Variants in ATL2 observed in about 807,000 individuals in gnomAD.
The protein encoded by ATL2 is atlastin-2.
A neutral mutation model predicts 73.9 loss-of-function variants in ATL2; 31 were observed. The observed-to-expected ratio is 0.42, with a 90% CI of 0.32 to 0.57. The LOEUF is 0.57. ATL2 is among the 20% of genes least tolerant of loss of function. ATL2 has a pLI of 0.14. For synonymous variants in ATL2, 291 were observed against 237.5 expected (o/e 1.23, Z -2.07); for missense variants, 738 against 702.6 (o/e 1.05, Z -0.57).
At chr2:38,296,489 T>A in intron 12 of ATL2, 1 of 1,611,466 alleles carries the variant, frequency 6.2e-7, no homozygotes, top group South Asian at 1.1e-5. Flanking sequence ...CTGTCTAATT[T>A]TTCTTCTTGT....
Position 38,318,637 on chromosome 2 carries a change from A to C in ATL2, c.501T>G (p.Val167=). ...FVIDRPNGTK[V]AVLLMDTQGA... is the part of the protein sequence containing the mutation. Reference sequence around the variant, plus strand: ...CCTGGGTATCCATAAGCAGCACAGCAACCTAGGAATTTGAGAGTTTAAAAT... The same window carrying C: ...CCTGGGTATCCATAAGCAGCACAGCCACCTAGGAATTTGAGAGTTTAAAAT... Residue 167 remains valine (V), a splice_region_variant and synonymous_variant, in exon 4 of 13, where the codon GTT becomes GTG. Transcript: ENST00000378954. 1 of 1,588,168 alleles carries C rather than the reference A, an allele frequency of 6.3e-7. No individual in the cohort carries two copies. The highest frequency in any genetic ancestry group is 8.5e-7 in the Non-Finnish European group (1 of 1,172,092).
At chr2:38,304,338 C>G (rs1383986138) in intron 9 of ATL2, among the ~76,000 whole-genome samples, 3 of 152,148 alleles carry the variant, frequency 2.0e-5, no homozygotes, top group Non-Finnish European at 2.9e-5. Flanking sequence ...AAGACTTCCT[C>G]AAACAAAAGC....
At chr2:38,296,671 C>T (rs1558379290) in intron 12 of ATL2, 2 of 1,569,984 alleles carry the variant, frequency 1.3e-6, no homozygotes, top group South Asian at 1.2e-5. Flanking sequence ...GAATTTGAGA[C>T]TGTAGGTTTC....
At chr2:38,338,314 G>T (rs1013040653) in intron 2 of ATL2, among the ~76,000 whole-genome samples, 1 of 141,616 alleles carries the variant, frequency 7.1e-6, no homozygotes, top group Non-Finnish European at 1.5e-5. Context: ...AGAGGGGAGA[G>T]GGAGGAAGAG....
At chr2:38,361,404 GT>G (rs1211721308) in intron 1 of ATL2, among the ~76,000 whole-genome samples, 2 of 148,242 alleles carry the variant, frequency 1.3e-5, no homozygotes, top group African/African-American at 2.5e-5. Flanking sequence ...ACAAAATACA[GT>G]CTGAACCACT....
intron 10 of ATL2, among the ~76,000 whole-genome samples, chr2:38,299,735 C>A (rs767761681): frequency 3.9e-5 from 6 of 152,108 alleles, no homozygotes; most frequent in Non-Finnish European, 7.4e-5. Flanking sequence ...GAAGTTTTAT[C>A]GGCAAATACT....
intron 2 of ATL2, among the ~76,000 whole-genome samples, chr2:38,320,243 G>C (rs906290944): frequency 2.0e-5 from 3 of 152,130 alleles, no homozygotes; most frequent in Admixed American, 2.0e-4. Context: ...TATCTCATTA[G>C]ATGGTGTTAA....
Position 38,294,222 on chromosome 2 carries a change from T to A in ATL2, c.*1772A>T, listed in dbSNP as rs766677138. Among the ~76,000 whole-genome samples, 1 of 152,192 alleles carries A rather than the reference T, an allele frequency of 6.6e-6. No homozygotes were observed. Among genetic ancestry groups the A allele is most frequent in the African/African-American group, 2.4e-5 (1 of 41,458 alleles). On this transcript the variant is annotated 3_prime_UTR_variant, in exon 13 of 13. Transcript: ENST00000378954. ...AAAGTAAATTCAGAGTTTTCACACA[T>A]GCAACTCAACACCTGCATTCTCTTC...
upstream of ATL2, chr2:38,377,322 T>C (rs1177348405): frequency 1.4e-6 from 2 of 1,421,494 alleles, no homozygotes; most frequent in Admixed American, 4.9e-5. Flanking sequence ...TTTATCAACC[T>C]CCCGGGAGCC....
chr2:38,330,409 C>T lies in ATL2; in HGVS notation c.364-11390G>A, dbSNP rs147325092. On this transcript the variant is annotated intron_variant, in intron 2 of 12. Transcript: ENST00000378954. ...TACTACCAGAGGTTCTAGCTGGGAC[C>T]ATCAGCCAAGACACAGAAATAAAAG... Among the ~76,000 whole-genome samples, 346 of 152,126 alleles carry T rather than the reference C, an allele frequency of 2.3e-3. 8 individuals carry two copies. The East Asian group carries it at 0.059, about 26-fold the overall frequency.
chr2:38,368,185 C>G (rs1306362199), intron 1 of ATL2, among the ~76,000 whole-genome samples: 1 of 151,832 alleles, frequency 6.6e-6, no homozygotes, highest in Non-Finnish European at 1.5e-5. Context: ...CCACCCACCT[C>G]AGCCTCCCAA....
intron 2 of ATL2, among the ~76,000 whole-genome samples, chr2:38,334,697 T>TCAAA (rs929791687): frequency 2.0e-5 from 3 of 150,886 alleles, no homozygotes; most frequent in African/African-American, 7.3e-5. Flanking sequence ...AAACTCCGTC[T>TCAAA]CAAACAAACA....
chr2:38,294,410 T>C lies in ATL2; in HGVS notation c.*1584A>G, dbSNP rs548049838. ...TAAAATAGAAAACATTAGCCGGGAA[T>C]GGTGGCACGCACCTGTAGTCCCAGC... On this transcript the variant is annotated 3_prime_UTR_variant, in exon 13 of 13. Coordinates refer to ENST00000378954, the MANE Select transcript of ATL2 (RefSeq NM_001135673.4). Among the ~76,000 whole-genome samples the C allele has an allele frequency of 2.7e-4, 41 of 152,312 alleles. No individual in the cohort carries two copies. The highest frequency in any genetic ancestry group is 9.9e-4 in the African/African-American group (41 of 41,572).
Position 38,294,164 on chromosome 2 carries a change from CTGAA to C in ATL2, c.*1826_*1829del, listed in dbSNP as rs1300750467. ...AATACAATCCATATAAAAACAGAATCTGAATGGGAGTGGGAGCGAAGATGTATCA... is the reference window on the plus strand; with the variant it reads ...AATACAATCCATATAAAAACAGAATCTGGGAGTGGGAGCGAAGATGTATCA... On this transcript the variant is annotated 3_prime_UTR_variant, in exon 13 of 13. Coordinates refer to ENST00000378954, the MANE Select transcript of ATL2 (RefSeq NM_001135673.4). Among the ~76,000 whole-genome samples, 5 of 152,306 alleles carry C rather than the reference CTGAA, an allele frequency of 3.3e-5. No homozygotes were observed. Among genetic ancestry groups the C allele is most frequent in the Middle Eastern group, 3.4e-3 (1 of 294 alleles).
At chr2:38,311,516 T>C (rs1667754930) in intron 7 of ATL2, among the ~76,000 whole-genome samples, 1 of 152,138 alleles carries the variant, frequency 6.6e-6, no homozygotes, top group South Asian at 2.1e-4. Context: ...ATAGATACTA[T>C]ACAGCAATGA....
At chr2:38,360,072 G>A (rs1670917649) in intron 1 of ATL2, among the ~76,000 whole-genome samples, 2 of 148,420 alleles carry the variant, frequency 1.3e-5, no homozygotes, top group African/African-American at 2.5e-5. Context: ...AGAGGTTGCA[G>A]TGAGATGAGA....
chr2:38,362,237 C>T (rs1671055711), intron 1 of ATL2, among the ~76,000 whole-genome samples: 1 of 152,174 alleles, frequency 6.6e-6, no homozygotes, highest in African/African-American at 2.4e-5. Flanking sequence ...CCAGATTAAA[C>T]TAGATGTTTA....
intron 2 of ATL2, among the ~76,000 whole-genome samples, chr2:38,334,028 CTTTTTTTT>C (rs34303299): frequency 1.6e-5 from 2 of 121,654 alleles, no homozygotes; most frequent in African/African-American, 6.7e-5. Context: ...ATCCAATCCT[CTTTTTTTT>C]TTTTTTTTTT....
chr2:38,343,430 A>C lies in ATL2; in HGVS notation c.201T>G (p.His67Gln). 6.2e-7 allele frequency: 1 copy of C among 1,613,390 alleles called. No individual in the cohort carries two copies. Among genetic ancestry groups the C allele is most frequent in the Non-Finnish European group, 8.5e-7 (1 of 1,179,778 alleles). ...KPCPVQIVLA[H>Q]EDDHNFELDE... The stretch of plus-strand genomic sequence containing the variant: ...CAAGTTCAAAGTTATGGTCATCTTC[A>C]TGAGCAAGAACAATCTGTACTGGAC... Residue 67 changes from histidine (H) to glutamine (Q), a missense_variant, in exon 2 of 13, where the codon CAT becomes CAG. Physicochemically the swap from His to Gln is conservative, Grantham distance 24. Transcript: ENST00000378954.
Sources: gnomAD v4.1 joint callset for allele counts (sites outside exome capture counted in the v4.1 genomes callset) on GRCh38, gnomAD v4.1.1 for gene constraint, MANE v1.5 for transcripts, NCBI Gene and HGNC (gene_info 2026-07-23, HGNC 2026-07-21) for gene names.